LRRTM4: variants seen among roughly 807,000 people sequenced by gnomAD.
LRRTM4 encodes the protein leucine-rich repeat transmembrane neuronal protein 4.
In LRRTM4, 25 loss-of-function variants were observed where a neutral mutation model predicts 47.6. The observed-to-expected ratio is 0.53, with a 90% confidence interval of 0.38 to 0.73. The LOEUF (loss-of-function observed/expected upper bound fraction) is 0.73, where lower values mean the gene tolerates loss of function less well. LRRTM4 is among the 30% of genes least tolerant of loss of function. The pLI is 0.00. For missense variants in LRRTM4, 638 were observed against 713.4 expected (o/e 0.89, Z 1.20); for synonymous variants, 311 against 269.5 (o/e 1.15, Z -1.51).
intron 3 of LRRTM4, among the ~76,000 whole-genome samples, chr2:77,430,340 C>CT (rs1286396136): frequency 6.6e-6 from 1 of 152,042 alleles, no homozygotes; most frequent in Non-Finnish European, 1.5e-5. Flanking sequence ...ATCTCTTAAC[C>CT]TTTTAAAATT....
At chr2:76,899,286 T>G (rs539594217) in intron 3 of LRRTM4, among the ~76,000 whole-genome samples, 1 of 149,282 alleles carries the variant, frequency 6.7e-6, no homozygotes, top group African/African-American at 2.5e-5. Context: ...TTAAATTCTA[T>G]TGGAGGGAGA....
chr2:77,299,982 A>T (rs1042127577), intron 3 of LRRTM4, among the ~76,000 whole-genome samples: 1 of 151,146 alleles, frequency 6.6e-6, no homozygotes, highest in African/African-American at 2.4e-5. Context: ...CTGCGGAGTA[A>T]CTGGGACTAC....
rs576157011 is a variant in LRRTM4 at position 77,423,432 on chromosome 2, C to T, written c.1551+94886G>A. ...TAGATATGAAAAATGCATTTGGTAA[C>T]AAAAAATTGAACTTTCTGTAACAAT... is the stretch of plus-strand genomic sequence containing the variant. On this transcript the variant is annotated intron_variant, in intron 3 of 3. Transcript: ENST00000409884. Among the ~76,000 whole-genome samples the T allele has an allele frequency of 6.6e-5, 10 of 152,106 alleles. No individual in the cohort carries two copies. In the East Asian group the frequency reaches 1.9e-3, roughly 29 times the overall value.
intron 3 of LRRTM4, among the ~76,000 whole-genome samples, chr2:77,075,522 A>C (rs1680303288): frequency 6.6e-6 from 1 of 152,182 alleles, no homozygotes; most frequent in Non-Finnish European, 1.5e-5. Context: ...CCTTTTGTAA[A>C]CTTGGCATAA....
chr2:77,066,498 G>A (rs904584409), intron 3 of LRRTM4, among the ~76,000 whole-genome samples: 48 of 152,136 alleles, frequency 3.2e-4, no homozygotes, highest in African/African-American at 1.1e-3. Flanking sequence ...GAGCCACTAA[G>A]ACACACAAAA....
intron 3 of LRRTM4, among the ~76,000 whole-genome samples, chr2:77,023,948 A>G (rs1308392179): frequency 6.6e-6 from 1 of 151,716 alleles, no homozygotes; most frequent in Admixed American, 6.6e-5. Flanking sequence ...CGTACCCAAG[A>G]CTGGGAAGGA....
chr2:77,499,149 G>T (rs528618525), intron 3 of LRRTM4, among the ~76,000 whole-genome samples: 13 of 151,998 alleles, frequency 8.6e-5, no homozygotes, highest in East Asian at 5.8e-4. Context: ...ACCATTGGTT[G>T]TCATGATTGG....
chr2:77,369,267 C>T (rs957662653), intron 3 of LRRTM4, among the ~76,000 whole-genome samples: 2 of 151,166 alleles, frequency 1.3e-5, no homozygotes, highest in Non-Finnish European at 3.0e-5. Flanking sequence ...TTGTTTTTTG[C>T]TGTACAGAAA....
At chr2:77,040,473 TAAAG>T (rs1349963993) in intron 3 of LRRTM4, among the ~76,000 whole-genome samples, 4 of 151,264 alleles carry the variant, frequency 2.6e-5, no homozygotes, top group Non-Finnish European at 5.9e-5. Flanking sequence ...GTAAATTTAG[TAAAG>T]AGAGAGAGAG....
intron 3 of LRRTM4, chr2:77,009,796 A>G (rs1435252862): frequency 6.6e-6 from 1 of 152,034 alleles, no homozygotes; most frequent in African/African-American, 2.4e-5. Flanking sequence ...CTCTTATTAC[A>G]GTGTAAGTTT....
At chr2:76,965,375 A>G (rs1675988850) in intron 3 of LRRTM4, among the ~76,000 whole-genome samples, 1 of 151,372 alleles carries the variant, frequency 6.6e-6, no homozygotes, top group African/African-American at 2.4e-5. Context: ...GATTTATTTC[A>G]GCTAGGCAAG....
intron 3 of LRRTM4, among the ~76,000 whole-genome samples, chr2:76,757,605 G>C (rs933041442): frequency 6.6e-6 from 1 of 152,068 alleles, no homozygotes; most frequent in South Asian, 2.1e-4. Flanking sequence ...AAATTAGAAC[G>C]AGTAAAGTCT....
In LRRTM4 at chr2:76,748,752, G is replaced by A. The variant is rs1672737434; in HGVS notation, c.1716C>T (p.Ile572=). The A allele has an allele frequency of 6.2e-7, 1 of 1,613,908 alleles. No homozygotes were observed. The highest frequency in any genetic ancestry group is 8.5e-7 in the Non-Finnish European group (1 of 1,179,880). Residue 572 remains isoleucine, a synonymous_variant, in exon 4 of 4, where the codon ATC becomes ATT. Coordinates refer to ENST00000409884, the MANE Select transcript of LRRTM4 (RefSeq NM_001134745.3). ...GTGCTGCCGACCTGGCGATGGTGGC[G>A]ATGAAGCTGTGGTCTCGGCCCAGCT... ...GLELGRDHSF[I]ATIARSAAPA...
chr2:77,473,563 A>C (rs1677271159), intron 3 of LRRTM4, among the ~76,000 whole-genome samples: 2 of 152,122 alleles, frequency 1.3e-5, no homozygotes, highest in African/African-American at 4.8e-5. Context: ...CCATTGACCC[A>C]GTTGCAGCTT....
chr2:77,383,325 A>G (rs1465185116), intron 3 of LRRTM4, among the ~76,000 whole-genome samples: 1 of 151,552 alleles, frequency 6.6e-6, no homozygotes, highest in Non-Finnish European at 1.5e-5. Context: ...TCTTACAGAC[A>G]CTCTTTTCCT....
At chr2:77,417,058 A>T (rs1674662104) in intron 3 of LRRTM4, among the ~76,000 whole-genome samples, 3 of 152,120 alleles carry the variant, frequency 2.0e-5, no homozygotes, top group East Asian at 3.9e-4. Flanking sequence ...AAAAAAACAA[A>T]CAACCCCATC....
chr2:77,061,049 C>T (rs1679769620), intron 3 of LRRTM4, among the ~76,000 whole-genome samples: 1 of 151,574 alleles, frequency 6.6e-6, no homozygotes, highest in African/African-American at 2.4e-5. Context: ...ATATCAATTC[C>T]AGTCCTAGTT....
chr2:76,941,896 C>T (rs376874538), intron 3 of LRRTM4, among the ~76,000 whole-genome samples: 290 of 152,278 alleles, frequency 1.9e-3, no homozygotes, highest in African/African-American at 6.4e-3. Flanking sequence ...ACACTGTCTT[C>T]CATAATGGTT....
chr2:77,390,977 G>A (rs1408042895), intron 3 of LRRTM4, among the ~76,000 whole-genome samples: 1 of 151,746 alleles, frequency 6.6e-6, no homozygotes, highest in African/African-American at 2.4e-5. Flanking sequence ...TTTTTAGAGA[G>A]TCTGTCTGCT....
Sources: gnomAD v4.1 joint callset for allele counts (sites outside exome capture counted in the v4.1 genomes callset) on GRCh38, gnomAD v4.1.1 for gene constraint, MANE v1.5 for transcripts, NCBI Gene and HGNC (gene_info 2026-07-23, HGNC 2026-07-21) for gene names.